STK3: variants seen among roughly 807,000 people sequenced by gnomAD.
STK3 encodes the protein serine/threonine kinase 3.
In STK3, 41 loss-of-function variants were observed where a neutral mutation model predicts 58.0. That is an observed-to-expected ratio of 0.71 (90% CI 0.55 to 0.92). STK3 has a LOEUF of 0.92. STK3 is among the 40% of genes least tolerant of loss of function. The probability of loss-of-function intolerance (pLI) is 0.00; values close to 1 mark genes in which losing one functional copy is unlikely to be tolerated. For synonymous variants in STK3, 170 were observed against 191.0 expected (o/e 0.89, Z 0.91); for missense variants, 479 against 602.7 (o/e 0.79, Z 2.15).
rs1248600025 is a variant in STK3 at position 98,714,270 on chromosome 8, T to G, written c.352-6959A>C. ...CTCCTATTCAACATAGTGTTGAAAG[T>G]TCTGGTCAGGGCAATTAGGCAGGAG... On this transcript the variant is annotated intron_variant, in intron 4 of 10. Transcript: ENST00000419617. Among the ~76,000 whole-genome samples, 3 of 152,192 alleles carry G rather than the reference T, an allele frequency of 2.0e-5. No individual in the cohort carries two copies. In the East Asian group the frequency reaches 5.8e-4, roughly 29 times the overall value.
chr8:98,516,855 A>T (rs1824967618), intron 10 of STK3, among the ~76,000 whole-genome samples: 1 of 151,986 alleles, frequency 6.6e-6, no homozygotes, highest in Non-Finnish European at 1.5e-5. Context: ...CTTTTTATAT[A>T]TTTATATATT....
At chr8:98,756,375 T>A (rs1480010796) in intron 3 of STK3, among the ~76,000 whole-genome samples, 1 of 152,028 alleles carries the variant, frequency 6.6e-6, no homozygotes, top group African/African-American at 2.4e-5. Context: ...ACTGAAAGAT[T>A]AGCGGGCCCA....
intron 10 of STK3, 177 bp downstream of exon 10, chr8:98,526,563 AGC>A (rs1825756871): frequency 1.4e-5 from 6 of 435,162 alleles, no homozygotes. Context: ...CATTTCTATA[AGC>A]AAGCTACAGT....
chr8:98,561,159 G>A (rs1472809997), intron 8 of STK3, among the ~76,000 whole-genome samples: 1 of 152,088 alleles, frequency 6.6e-6, no homozygotes, highest in African/African-American at 2.4e-5. Flanking sequence ...TATCAATGAT[G>A]TATCATTGAA....
chr8:98,456,226 T>C (rs1563618826), intron 10 of STK3, among the ~76,000 whole-genome samples: 1 of 152,200 alleles, frequency 6.6e-6, no homozygotes, highest in Non-Finnish European at 1.5e-5. Context: ...AATGAAGCAA[T>C]CCGATCCTCT....
At chr8:98,730,952 A>C (rs1487208496) in intron 4 of STK3, among the ~76,000 whole-genome samples, 5 of 152,156 alleles carry the variant, frequency 3.3e-5, no homozygotes, top group Admixed American at 2.6e-4. Flanking sequence ...ACACTCTTGC[A>C]CAGGCCCCAC....
intron 4 of STK3, among the ~76,000 whole-genome samples, chr8:98,746,604 C>T (rs141381762): frequency 2.5e-4 from 38 of 151,580 alleles, no homozygotes; most frequent in African/African-American, 8.7e-4. Context: ...CAGAGCAAGA[C>T]CCTGTCTCAA....
chr8:98,353,513 G>A, the STK3 span, among the ~76,000 whole-genome samples: 3 of 151,558 alleles, frequency 2.0e-5, no homozygotes, highest in Non-Finnish European at 4.4e-5. Flanking sequence ...ATAATAGTAA[G>A]GTATATATGA....
At chr8:98,875,666 C>T (rs1431180451) in intron 3 of STK3, 3 of 152,138 alleles carry the variant, frequency 2.0e-5, no homozygotes, top group Non-Finnish European at 2.9e-5. Flanking sequence ...GGAAAAATTC[C>T]TCTCATTCTT....
chr8:98,903,416 A>G (rs541498205), intron 1 of STK3, among the ~76,000 whole-genome samples: 1 of 152,246 alleles, frequency 6.6e-6, no homozygotes, highest in Non-Finnish European at 1.5e-5. Context: ...TAGTAGTCAA[A>G]TCCCAGAAGA....
At chr8:98,851,792 A>AT (rs1564061300) in intron 3 of STK3, among the ~76,000 whole-genome samples, 1 of 151,970 alleles carries the variant, frequency 6.6e-6, no homozygotes, top group African/African-American at 2.4e-5. Flanking sequence ...AGGCTTTTAA[A>AT]TTTTTTTTGA....
upstream of STK3, among the ~76,000 whole-genome samples, chr8:98,828,437 C>CAAA (rs367737626): frequency 1.6e-3 from 78 of 48,576 alleles, 5 homozygotes; most frequent in African/African-American, 2.9e-3. Flanking sequence ...CCCATCTCTA[C>CAAA]AAAAAAAAAA....
the STK3 span, among the ~76,000 whole-genome samples, chr8:98,350,046 T>C: frequency 6.6e-6 from 1 of 152,212 alleles, no homozygotes; most frequent in African/African-American, 2.4e-5. Flanking sequence ...GATTTTCTTT[T>C]CTATTGCATT....
At chr8:98,697,496 A>G (rs200764766) in intron 6 of STK3, among the ~76,000 whole-genome samples, 17 of 151,994 alleles carry the variant, frequency 1.1e-4, no homozygotes, top group African/African-American at 3.1e-4. Context: ...TGGGCATTTA[A>G]TGCTATAAAT....
intron 1 of STK3, among the ~76,000 whole-genome samples, chr8:98,919,485 TA>T (rs1350704422): frequency 4.0e-5 from 6 of 151,848 alleles, no homozygotes; most frequent in African/African-American, 1.2e-4. Flanking sequence ...AATGGTTGCC[TA>T]GGGGGGATTG....
chr8:98,741,879 T>C (rs968828782), intron 4 of STK3, among the ~76,000 whole-genome samples: 3 of 151,744 alleles, frequency 2.0e-5, no homozygotes, highest in Non-Finnish European at 4.4e-5. Flanking sequence ...ATAGAAGCAA[T>C]AAAAAATGAT....
At chr8:98,530,343 G>T (rs1826080023) in intron 9 of STK3, among the ~76,000 whole-genome samples, 1 of 152,256 alleles carries the variant, frequency 6.6e-6, no homozygotes, top group Non-Finnish European at 1.5e-5. Flanking sequence ...CCCAGTGTGT[G>T]TTGTTCCCCA....
chr8:98,442,669 T>G (rs189612158), intron 1 of STK3, among the ~76,000 whole-genome samples: 63 of 152,344 alleles, frequency 4.1e-4, no homozygotes, highest in African/African-American at 1.4e-3. Context: ...TATCTCTGTG[T>G]GGTAGCTGTT....
intron 6 of STK3, among the ~76,000 whole-genome samples, chr8:98,616,993 A>T (rs1020930831): frequency 1.3e-5 from 2 of 152,132 alleles, no homozygotes; most frequent in African/African-American, 4.8e-5. Context: ...CTCCATCCCA[A>T]ATCAACAGAA....
Sources: allele counts gnomAD v4.1 joint callset (sites outside exome capture counted in the v4.1 genomes callset), GRCh38; gene constraint gnomAD v4.1.1; transcripts MANE v1.5; gene names NCBI Gene and HGNC (gene_info 2026-07-23, HGNC 2026-07-21).